The following SEPTIN3 variants were observed in gnomAD, a reference collection of about 807,000 sequenced individuals.
SEPTIN3 encodes septin 3.
Under a neutral mutation model 45.1 loss-of-function variants are expected in SEPTIN3, and 15 were observed. The observed-to-expected ratio is 0.33, with a 90% CI of 0.22 to 0.51. The LOEUF is 0.51. Among genes scored for constraint, SEPTIN3 ranks in the 20% least tolerant of loss-of-function variants. The pLI, the probability that SEPTIN3 is intolerant of heterozygous loss-of-function variation, is 0.97. For synonymous variants in SEPTIN3, 148 were observed against 164.8 expected (o/e 0.90, Z 0.78); for missense variants, 289 against 457.2 (o/e 0.63, Z 3.35).
At chr22:41,982,315 C>G (rs533145102) in intron 3 of SEPTIN3, 1 of 156,364 alleles carries the variant, frequency 6.4e-6, no homozygotes, top group East Asian at 1.9e-4. Context: ...TTGAGACCAG[C>G]CTGACCAACA....
At position 41,994,962 on chromosome 22, in the gene SEPTIN3, G is replaced by A. The variant is rs1303454046; in HGVS notation, c.2505+248G>A. On this transcript the variant is annotated intron_variant, in intron 11 of 11. Coordinates refer to ENST00000644076, the MANE Select transcript of SEPTIN3 (RefSeq NM_001363845.2). This position sits in a 1 kb window ranked among gnomAD's most constrained non-coding sequence, Gnocchi z 4.2. ...GAGAGAGCCTGTGTGTGTGCATGCA[G>A]GGGTGAGGTATTTTCACTGCCCTCC... The A allele has an allele frequency of 1.4e-6, 2 of 1,398,918 alleles. No homozygotes were observed. The highest frequency in any genetic ancestry group is 1.9e-6 in the Non-Finnish European group (2 of 1,075,654). The allele number at this position is 1,398,918 out of a possible 1,614,324, so 86.7% of individuals were successfully genotyped here.
intron 2 of SEPTIN3, among the ~76,000 whole-genome samples, chr22:41,979,453 G>T (rs574561724): frequency 3.3e-5 from 5 of 152,336 alleles, no homozygotes; most frequent in Admixed American, 3.3e-4. Context: ...AGCTGCAGAG[G>T]CATAAGGGGC....
In SEPTIN3 at chr22:41,981,746, C is replaced by T. The variant is rs751142409; in HGVS notation, c.1606C>T (p.Leu536=). 2.5e-6 allele frequency: 4 copies of T among 1,613,972 alleles called. No homozygotes were observed. The highest frequency in any genetic ancestry group is 3.4e-6 in the Non-Finnish European group (4 of 1,180,016). ...GAAGCCCATGAGCATCAACTCCAACCTGCTGGGCTACATCGGCATCGACAC... is the reference window on the plus strand; with the variant it reads ...GAAGCCCATGAGCATCAACTCCAACTTGCTGGGCTACATCGGCATCGACAC... ...PMKPMSINSN[L]LGYIGIDTII... Residue 536 remains leucine (L), a synonymous_variant, in exon 3 of 12, where the codon CTG becomes TTG. Transcript: ENST00000644076.
rs1569436936 is a variant in SEPTIN3 at position 41,979,099 on chromosome 22, C to CTTGTTGGAGGA, written c.1505-2546_1505-2545insTTGTTGGAGGA. ...TTGCCAGCAGGCGCTGTGTACAGTG[C>CTTGTTGGAGGA]ACACAGTGGGTGCTCATATGTGCTT... is the stretch of plus-strand genomic sequence containing the variant. On this transcript the variant is annotated intron_variant, in intron 2 of 11. Transcript: ENST00000644076. Among the ~76,000 whole-genome samples, 5 of 152,280 alleles carry CTTGTTGGAGGA rather than the reference C, an allele frequency of 3.3e-5. No homozygotes were observed. In the South Asian group the frequency reaches 1.0e-3, roughly 32 times the overall value.
rs188450296 is a variant in SEPTIN3, at chr22:41,994,782, A to G, written c.2505+68A>G. On this transcript the variant is annotated intron_variant, in intron 11 of 11. Coordinates refer to ENST00000644076, the MANE Select transcript of SEPTIN3 (RefSeq NM_001363845.2). This position sits in a 1 kb window ranked among gnomAD's most constrained non-coding sequence, Gnocchi z 4.2. Reference sequence around the variant, plus strand: ...CGACCACTTCTCTGTGTCATCACACATACCCACTTCACACACACACATCCC... The same window carrying G: ...CGACCACTTCTCTGTGTCATCACACGTACCCACTTCACACACACACATCCC... The G allele has an allele frequency of 4.3e-6, 7 of 1,613,502 alleles. No homozygotes were observed. Among genetic ancestry groups the G allele is most frequent in the East Asian group, 2.2e-5 (1 of 44,870 alleles).
intron 6 of SEPTIN3, among the ~76,000 whole-genome samples, chr22:41,989,002 T>G (rs2078255732): frequency 6.6e-6 from 1 of 151,894 alleles, no homozygotes; most frequent in African/African-American, 2.4e-5. Flanking sequence ...AGTGCGCAAC[T>G]GTGGTCCCAG....
chr22:41,984,148 T>G (rs1258932807), intron 3 of SEPTIN3, among the ~76,000 whole-genome samples: 1 of 152,180 alleles, frequency 6.6e-6, no homozygotes, highest in South Asian at 2.1e-4. Flanking sequence ...GAATGAGAAA[T>G]GCACCTTATT....
At position 41,994,967 on chromosome 22, in the gene SEPTIN3, G is replaced by T; in HGVS notation, c.2505+253G>T. 1 of 1,389,674 alleles carries T rather than the reference G, an allele frequency of 7.2e-7. No homozygotes were observed. Among genetic ancestry groups the T allele is most frequent in the Non-Finnish European group, 9.3e-7 (1 of 1,070,422 alleles). The allele number at this position is 1,389,674 out of a possible 1,614,324, so 86.1% of individuals were successfully genotyped here. On this transcript the variant is annotated intron_variant, in intron 11 of 11. Transcript: ENST00000644076. This position sits in a 1 kb window ranked among gnomAD's most constrained non-coding sequence, Gnocchi z 4.2. The stretch of plus-strand genomic sequence containing the variant: ...AGCCTGTGTGTGTGCATGCAGGGGT[G>T]AGGTATTTTCACTGCCCTCCCTGGA...
Position 41,990,238 on chromosome 22 carries a change from G to A in SEPTIN3, c.2163+554G>A, listed in dbSNP as rs1346270432. Among the ~76,000 whole-genome samples the A allele has an allele frequency of 2.0e-5, 3 of 151,520 alleles. No homozygotes were observed. The East Asian group carries it at 6.0e-4, about 30-fold the overall frequency. ...TTTTTCTCTTTTTAGTAGAGATGGG[G>A]TTTCACTGTGTTAGCCAGGATGGTC... On this transcript the variant is annotated intron_variant, in intron 7 of 11. Coordinates refer to ENST00000644076, the MANE Select transcript of SEPTIN3 (RefSeq NM_001363845.2).
At chr22:41,983,457 C>T (rs1221824424) in intron 3 of SEPTIN3, among the ~76,000 whole-genome samples, 4 of 152,168 alleles carry the variant, frequency 2.6e-5, no homozygotes, top group African/African-American at 7.2e-5. Flanking sequence ...CAAAACTTAT[C>T]GAGTCACCCA....
In SEPTIN3 at chr22:41,972,523, C is replaced by A. The variant is rs2077970357; in HGVS notation, c.1031C>A (p.Thr344Asn). ...ATGAATCTGACTACAGTTGGGACAA[C>A]CAAGCCAGGGATGGTCATGGATTTG... The part of the protein sequence containing the change: ...TAMNLTTVGT[T>N]KPGMVMDLIA... The change falls in exon 2 of 12, where the codon ACC becomes AAC. Residue 344 changes from threonine (T) to asparagine (N), a missense_variant. Transcript: ENST00000644076. 5.0e-6 allele frequency: 2 copies of A among 398,992 alleles called. No individual in the cohort carries two copies. The highest frequency in any genetic ancestry group is 2.5e-4 in the South Asian group (2 of 7,870). 24.7% of individuals were successfully genotyped at this position (398,992 alleles called of 1,614,324 possible). A position where few individuals can be genotyped will look rare whatever the true frequency, so the allele number is the denominator to read the frequency against.
At chr22:41,996,360 TA>T in intron 11 of SEPTIN3, 2 of 985,534 alleles carry the variant, frequency 2.0e-6, no homozygotes, top group Non-Finnish European at 2.4e-6. Flanking sequence ...CTGTTTACAA[TA>T]ACCTCATACA....
chr22:41,989,823 T>G, intron 7 of SEPTIN3, 139 bp downstream of exon 7: 1 of 613,936 alleles, frequency 1.6e-6, no homozygotes, highest in Admixed American at 2.6e-5. Context: ...CCAGCCCCCT[T>G]CTTAACCATT....
intron 1 of SEPTIN3, among the ~76,000 whole-genome samples, chr22:41,970,937 G>A (rs559858900): frequency 6.6e-6 from 1 of 152,292 alleles, no homozygotes; most frequent in African/African-American, 2.4e-5. Flanking sequence ...GCTCTTTCTT[G>A]GTTCTGGGGC....
At chr22:41,992,325 GT>G (rs1322330337) in intron 8 of SEPTIN3, among the ~76,000 whole-genome samples, 8 of 152,236 alleles carry the variant, frequency 5.3e-5, no homozygotes, top group Non-Finnish European at 1.2e-4. Context: ...GTTGCAGTGA[GT>G]TGAAATTGTG....
intron 9 of SEPTIN3, among the ~76,000 whole-genome samples, chr22:41,993,348 G>A (rs529128710): frequency 6.6e-5 from 10 of 150,480 alleles, no homozygotes; most frequent in Non-Finnish European, 1.2e-4. Flanking sequence ...TTTTTGAGAC[G>A]GAGTCTCACT....
At position 41,996,892 on chromosome 22, in the gene SEPTIN3, C is replaced by G; in HGVS notation, c.2506-10C>G. ...CTCCACACCCTCAACCGTTCTCAAC[C>G]CCCCTGCAGGGAGAAGGCCTCCTGG... is the stretch of plus-strand genomic sequence containing the variant. On this transcript the variant is annotated splice_polypyrimidine_tract_variant and intron_variant, in intron 11 of 11. Transcript: ENST00000644076. 2 of 1,613,704 alleles carry G rather than the reference C, an allele frequency of 1.2e-6. No individual in the cohort carries two copies. The highest frequency in any genetic ancestry group is 1.1e-5 in the South Asian group (1 of 91,054).
At chr22:41,996,183 C>T (rs2078434090) in intron 11 of SEPTIN3, 2 of 985,242 alleles carry the variant, frequency 2.0e-6, no homozygotes, top group Admixed American at 6.1e-5. Flanking sequence ...CACCGTCATA[C>T]ATTTAGGCTT....
In SEPTIN3 at chr22:41,971,850, C is replaced by T. The variant is rs979531216; in HGVS notation, c.358C>T (p.Arg120Trp). The T allele has an allele frequency of 2.0e-5, 8 of 399,120 alleles. No homozygotes were observed. The highest frequency in any genetic ancestry group is 4.1e-5 in the African/African-American group (2 of 48,616). The allele number at this position is 399,120 out of a possible 1,614,324, so 24.7% of individuals were successfully genotyped here. A position where few individuals can be genotyped will look rare whatever the true frequency, so the allele number is the denominator to read the frequency against. Reference sequence around the variant, plus strand: ...GACTCTCCATCAGAACAGCCAGGCACGGTCCCTGGATCGCCCACTTTCTCA... The same window carrying T: ...GACTCTCCATCAGAACAGCCAGGCATGGTCCCTGGATCGCCCACTTTCTCA... The part of the protein sequence containing the change: ...SLTLHQNSQA[R>W]SLDRPLSHWE... Residue 120 changes from arginine (R) to tryptophan (W), a missense_variant, in exon 2 of 12, where the codon CGG (arginine) becomes TGG (tryptophan). By Grantham distance (101) the Arg-to-Trp change is moderately radical. This residue lies in a region of SEPTIN3 where 200 missense variants were observed against 315.1 expected (regional missense o/e 0.63). Transcript: ENST00000644076.
Sources: gnomAD v4.1 joint callset for allele counts (sites outside exome capture counted in the v4.1 genomes callset) on GRCh38, gnomAD v4.1.1 for gene constraint, gnomAD v4.1.1 regional missense constraint, Gnocchi (gnomAD v3.1) non-coding constraint, MANE v1.5 for transcripts, NCBI Gene and HGNC (gene_info 2026-07-23, HGNC 2026-07-21) for gene names.